Variants in HOXB3 observed in about 807,000 individuals in gnomAD.
HOXB3 encodes the protein homeobox protein Hox-B3.
HOXB3 carries 17 observed loss-of-function variants against 29.2 expected under a neutral mutation model. That is an observed-to-expected ratio of 0.58 (90% CI 0.40 to 0.87). The LOEUF (loss-of-function observed/expected upper bound fraction) is 0.87, where lower values mean the gene tolerates loss of function less well. Among genes scored for constraint, HOXB3 ranks in the 40% least tolerant of loss-of-function variants. The probability of loss-of-function intolerance (pLI) is 0.00; values close to 1 mark genes in which losing one functional copy is unlikely to be tolerated. For synonymous variants in HOXB3, 317 were observed against 285.9 expected, an observed-to-expected ratio of 1.11 and a Z score of -1.10; for missense variants, 637 against 616.3, an observed-to-expected ratio of 1.03 and a Z score of -0.35.
rs1567942143 is a variant in HOXB3 at position 48,550,530 on chromosome 17, CCGGCAGGGGG to C, written c.1090_1099del (p.Pro364AlafsTer62). 1.9e-6 allele frequency: 3 copies of C among 1,558,142 alleles called. No individual in the cohort carries two copies. The highest frequency in any genetic ancestry group is 2.0e-5 in the Admixed American group (1 of 49,390). The stretch of plus-strand genomic sequence containing the variant: ...GTGGTTGAGGCCATAGAGGGAGGGG[CCGGCAGGGGG>C]CGGCAGCGGATCCGCGTAGCCGCCC... On this transcript the variant is annotated frameshift_variant, in exon 5 of 5. Transcript: ENST00000498678. LOFTEE classifies it high-confidence loss of function.
chr17:48,554,730 C>G lies in HOXB3; in HGVS notation c.-159+801G>C. The G allele has an allele frequency of 2.8e-6, 2 of 702,402 alleles. No homozygotes were observed. The highest frequency in any genetic ancestry group is 1.5e-5 in the South Asian group (1 of 67,594). The allele number at this position is 702,402 out of a possible 1,614,324, so 43.5% of individuals were successfully genotyped here. A position where few individuals can be genotyped will look rare whatever the true frequency, so the allele number is the denominator to read the frequency against. ...CACCAGCCGGCCGAGGGCCGAGCCCCGCGGGCGGCAGCAAGTTTTGGGAGC... is the reference window on the plus strand; with the variant it reads ...CACCAGCCGGCCGAGGGCCGAGCCCGGCGGGCGGCAGCAAGTTTTGGGAGC... On this transcript the variant is annotated intron_variant, in intron 3 of 4. Coordinates refer to ENST00000498678, the MANE Select transcript of HOXB3 (RefSeq NM_001384749.1). This position sits in a 1 kb window ranked among gnomAD's most constrained non-coding sequence, Gnocchi z 4.1.
intron 2 of HOXB3, chr17:48,557,366 T>A (rs1357144909): frequency 2.0e-5 from 3 of 152,096 alleles, no homozygotes; most frequent in Non-Finnish European, 4.4e-5. Flanking sequence ...AAGGTGAGAG[T>A]TGATTTCCAG....
chr17:48,550,102 A>G lies in HOXB3; in HGVS notation c.*232T>C, dbSNP rs1232121934. On this transcript the variant is annotated 3_prime_UTR_variant, in exon 5 of 5. Transcript: ENST00000498678. Reference sequence around the variant, plus strand: ...CCTGGGGTTGATGGGGTCATCTCCAATATGATGTGGATTCCTTTCCGATGG... The same window carrying G: ...CCTGGGGTTGATGGGGTCATCTCCAGTATGATGTGGATTCCTTTCCGATGG... 1.6e-5 allele frequency: 9 copies of G among 554,264 alleles called. No homozygotes were observed. The highest frequency in any genetic ancestry group is 2.9e-5 in the Non-Finnish European group (9 of 312,754). 34.3% of individuals were successfully genotyped at this position (554,264 alleles called of 1,614,324 possible).
chr17:48,558,335 G>C (rs899442495), intron 2 of HOXB3, among the ~76,000 whole-genome samples: 6 of 152,092 alleles, frequency 3.9e-5, no homozygotes, highest in Non-Finnish European at 5.9e-5. Context: ...GTGGTCCCTC[G>C]GGCTACAGAA....
chr17:48,583,488 G>C lies in HOXB3; in HGVS notation c.-425+6637C>G, dbSNP rs376266893. 7.0e-4 allele frequency among the ~76,000 whole-genome samples: 107 copies of C among 152,302 alleles called. 1 individual carries two copies. In the East Asian group the frequency reaches 0.014, roughly 20 times the overall value. ...TCCAGCTTCCTAGGGTCCTGCAGAG[G>C]TGGGTCAGGTGACTCCCTTTCCTCC... On this transcript the variant is annotated intron_variant, in intron 1 of 4. Transcript: ENST00000498678.
In HOXB3 at chr17:48,550,286, A is replaced by C; in HGVS notation, c.*48T>G. ...TCCAGGTTGCCCCCCAGAGCTCCACAGTCTCTCTCTTCCTCCCCATCCCCT... is the reference window on the plus strand; with the variant it reads ...TCCAGGTTGCCCCCCAGAGCTCCACCGTCTCTCTCTTCCTCCCCATCCCCT... On this transcript the variant is annotated 3_prime_UTR_variant, in exon 5 of 5. Transcript: ENST00000498678. 1 of 1,610,914 alleles carries C rather than the reference A, an allele frequency of 6.2e-7. No individual in the cohort carries two copies. The highest frequency in any genetic ancestry group is 8.5e-7 in the Non-Finnish European group (1 of 1,179,110).
At chr17:48,580,165 T>TCCG (rs964044428) in intron 1 of HOXB3, 5 of 249,906 alleles carry the variant, frequency 2.0e-5, no homozygotes, top group Non-Finnish European at 3.2e-5. Context: ...GAACCTTGCC[T>TCCG]CCGCCGCCGC....
chr17:48,577,961 G>A, intron 1 of HOXB3: 2 of 1,315,796 alleles, frequency 1.5e-6, no homozygotes, highest in Non-Finnish European at 1.9e-6. Context: ...GGCGCAGGGA[G>A]GCGGCGGGGG....
intron 2 of HOXB3, among the ~76,000 whole-genome samples, chr17:48,558,192 C>T (rs936505583): frequency 2.0e-5 from 3 of 152,114 alleles, no homozygotes; most frequent in Non-Finnish European, 2.9e-5. Flanking sequence ...AGGAATAACA[C>T]GAGAGTCCAG....
chr17:48,564,424 ACCCCGCCCCCGC>A (rs999466619), intron 2 of HOXB3, among the ~76,000 whole-genome samples: 2 of 108,054 alleles, frequency 1.9e-5, no homozygotes, highest in Non-Finnish European at 4.2e-5. Flanking sequence ...GCTCGCCCCC[ACCCCGCCCCCGC>A]CCCCGCCCCC....
intron 2 of HOXB3, among the ~76,000 whole-genome samples, chr17:48,562,095 A>T (rs938649415): frequency 3.9e-5 from 6 of 152,086 alleles, no homozygotes; most frequent in Admixed American, 3.9e-4. Flanking sequence ...ACTGCGTTTT[A>T]CTGCTCTTCT....
chr17:48,574,522 C>G (rs1057107577), intron 1 of HOXB3: 1 of 152,236 alleles, frequency 6.6e-6, no homozygotes, highest in East Asian at 1.9e-4. Context: ...GGGATTGGTT[C>G]TTTTTATTTT....
intron 1 of HOXB3, chr17:48,574,428 G>T (rs546304002): frequency 2.6e-5 from 4 of 152,512 alleles, no homozygotes; most frequent in African/African-American, 9.7e-5. Flanking sequence ...CCGGCCTGTC[G>T]GTTCCCCCTG....
intron 2 of HOXB3, among the ~76,000 whole-genome samples, chr17:48,568,766 AAG>A (rs545647756): frequency 8.6e-5 from 13 of 151,826 alleles, no homozygotes; most frequent in African/African-American, 1.2e-4. Flanking sequence ...GGGAGGGAGA[AAG>A]AGAGAGAGAG....
chr17:48,556,113 CAA>C (rs1249873552), intron 2 of HOXB3, among the ~76,000 whole-genome samples: 1 of 146,714 alleles, frequency 6.8e-6, no homozygotes, highest in Non-Finnish European at 1.5e-5. Context: ...CCCGCCTCCC[CAA>C]AAAAAGAGTA....
intron 1 of HOXB3, chr17:48,576,622 G>A (rs1322343771): frequency 6.2e-6 from 7 of 1,123,888 alleles, no homozygotes; most frequent in Admixed American, 2.9e-5. Flanking sequence ...AGATTTTTCC[G>A]GGGCCCAGGC....
Position 48,550,222 on chromosome 17 carries a change from AG to A in HOXB3, c.*111del. ...AGCTCCAGGCCGGTTCTGACCAGGA[AG>A]CCTGGGTACCACCTTCTCTGGCTCC... On this transcript the variant is annotated 3_prime_UTR_variant, in exon 5 of 5. Coordinates refer to ENST00000498678, the MANE Select transcript of HOXB3 (RefSeq NM_001384749.1). 1 of 1,443,654 alleles carries A rather than the reference AG, an allele frequency of 6.9e-7. No homozygotes were observed. Among genetic ancestry groups the A allele is most frequent in the Non-Finnish European group, 9.4e-7 (1 of 1,066,222 alleles). 89.4% of individuals were successfully genotyped at this position (1,443,654 alleles called of 1,614,324 possible).
chr17:48,571,695 C>G (rs996904861), intron 2 of HOXB3, among the ~76,000 whole-genome samples: 1 of 152,210 alleles, frequency 6.6e-6, no homozygotes, highest in Non-Finnish European at 1.5e-5. Flanking sequence ...TCTGCCCTTA[C>G]AGGTAATGAA....
intron 2 of HOXB3, among the ~76,000 whole-genome samples, chr17:48,562,341 A>C (rs733920): frequency 0.78 from 117,627 of 151,384 alleles, 46,356 homozygotes; most frequent in Non-Finnish European, 0.85. Flanking sequence ...AGTTGGAGAC[A>C]AGCATTCCCC....
Sources: allele counts gnomAD v4.1 joint callset (sites outside exome capture counted in the v4.1 genomes callset), GRCh38; gene constraint gnomAD v4.1.1; non-coding constraint Gnocchi (gnomAD v3.1); transcripts MANE v1.5; gene names NCBI Gene and HGNC (gene_info 2026-07-23, HGNC 2026-07-21).